The following WDR11 variants were observed in gnomAD, a reference collection of about 807,000 sequenced individuals.
WDR11 encodes the protein WD repeat domain 11, also known as WD repeat-containing protein 11.
Under a neutral mutation model 151.2 loss-of-function variants are expected in WDR11, and 83 were observed. The observed-to-expected ratio is 0.55, with a 90% CI of 0.46 to 0.66. The LOEUF (loss-of-function observed/expected upper bound fraction) is 0.66. WDR11 is among the 30% of genes least tolerant of loss of function. The probability of loss-of-function intolerance (pLI) is 0.00; values close to 1 mark genes in which losing one functional copy is unlikely to be tolerated. For synonymous variants in WDR11, 484 were observed against 533.1 expected (o/e 0.91, Z 1.27); for missense variants, 1,301 against 1,480.9 (o/e 0.88, Z 1.99).
intron 4 of WDR11, among the ~76,000 whole-genome samples, chr10:120,860,651 CT>C (rs1351069175): frequency 6.6e-6 from 1 of 152,112 alleles, no homozygotes; most frequent in East Asian, 1.9e-4. Flanking sequence ...AAGTTAAGTT[CT>C]TGCTTTTTAA....
intron 22 of WDR11, among the ~76,000 whole-genome samples, 187 bp from the exon 23 acceptor site, chr10:120,902,868 C>T (rs760124462): frequency 6.6e-6 from 1 of 152,054 alleles, no homozygotes; most frequent in Non-Finnish European, 1.5e-5. Context: ...GTCAGGCCCC[C>T]GTATTGTTGA....
At position 120,909,104 on chromosome 10, in the gene WDR11, C is replaced by CAAAT. The variant is rs1848189034; in HGVS notation, c.*393_*396dup. On this transcript the variant is annotated 3_prime_UTR_variant, in exon 29 of 29. Coordinates refer to ENST00000263461, the MANE Select transcript of WDR11 (RefSeq NM_018117.12). ...AAATGAAATTTGTGAGATGTTTTCT[C>CAAAT]AAATATATGCTGTGCCTGTACTTAT... is the stretch of plus-strand genomic sequence containing the variant. 2 of 266,914 alleles carry CAAAT rather than the reference C, an allele frequency of 7.5e-6. No individual in the cohort carries two copies. Among genetic ancestry groups the CAAAT allele is most frequent in the Non-Finnish European group, 1.5e-5 (2 of 136,712 alleles). The allele number at this position is 266,914 out of a possible 1,614,324, so 16.5% of individuals were successfully genotyped here.
intron 12 of WDR11, 79 bp downstream of exon 12, chr10:120,878,538 T>A: frequency 2.6e-6 from 3 of 1,174,252 alleles, no homozygotes; most frequent in Non-Finnish European, 3.8e-6. Context: ...TGAAAGTACT[T>A]CTTTCACCTT....
intron 24 of WDR11, among the ~76,000 whole-genome samples, chr10:120,904,441 C>T (rs1847956093): frequency 6.6e-6 from 1 of 152,116 alleles, no homozygotes; most frequent in African/African-American, 2.4e-5. Context: ...ATTACTCGAG[C>T]ACCTAGATAC....
chr10:120,907,822 T>G (rs1395120474), intron 28 of WDR11: 3 of 151,286 alleles, frequency 2.0e-5, no homozygotes, highest in Middle Eastern at 6.8e-3. Context: ...TTTTTTTTTT[T>G]GGTAGTAACC....
rs1848174612 is a variant in WDR11 at position 120,908,766 on chromosome 10, G to A, written c.*53G>A. The A allele has an allele frequency of 1.2e-6, 2 of 1,605,584 alleles. No individual in the cohort carries two copies. Among genetic ancestry groups the A allele is most frequent in the African/African-American group, 1.3e-5 (1 of 74,786 alleles). On this transcript the variant is annotated 3_prime_UTR_variant, in exon 29 of 29. Transcript: ENST00000263461. ...CCTGGAAGGCAGATGGGAGGGGGCT[G>A]GTCTGGCTGTGGCCACCGTCACAGT...
intron 16 of WDR11, 29 bp downstream of exon 16, chr10:120,886,865 C>G (rs1357867086): frequency 2.2e-5 from 36 of 1,612,580 alleles, no homozygotes; most frequent in Non-Finnish European, 3.1e-5. Context: ...AAATCTTCAT[C>G]AAGAAGATTT....
At chr10:120,883,988 T>G in intron 14 of WDR11, 100 bp downstream of exon 14, 1 of 981,832 alleles carries the variant, frequency 1.0e-6, no homozygotes. Context: ...GCCAATGTCA[T>G]TTTTTTGGTT....
chr10:120,868,530 T>TA (rs1273789890), intron 9 of WDR11: 1 of 152,234 alleles, frequency 6.6e-6, no homozygotes, highest in South Asian at 2.1e-4. Flanking sequence ...CATACTGTGT[T>TA]AAGTGCTGTG....
chr10:120,896,688 C>T (rs1003714182), intron 19 of WDR11, among the ~76,000 whole-genome samples: 3 of 152,146 alleles, frequency 2.0e-5, no homozygotes, highest in Admixed American at 6.5e-5. Context: ...CTGTTTTGTG[C>T]ATGTTGTAGT....
At position 120,860,212 on chromosome 10, in the gene WDR11, A is replaced by G. The variant is rs148635545; in HGVS notation, c.456A>G (p.Leu152=). The part of the protein sequence containing the change: ...VLWNADTGTK[L]WKKSYADNIL... ...GGAATGCCGACACTGGCACCAAACT[A>G]TGGAAGAAGAGCTATGCAGATAACA... is the stretch of plus-strand genomic sequence containing the variant. The change falls in exon 4 of 29, where the codon CTA becomes CTG. Residue 152 remains leucine, a synonymous_variant. Transcript: ENST00000263461. 109 of 1,614,192 alleles carry G rather than the reference A, an allele frequency of 6.8e-5. 1 individual carries two copies. Among genetic ancestry groups the G allele is most frequent in the South Asian group, 4.5e-4 (41 of 91,078 alleles).
At position 120,904,086 on chromosome 10, in the gene WDR11, C is replaced by T. The variant is rs1489936094; in HGVS notation, c.2971C>T (p.Arg991Trp). 9.9e-6 allele frequency: 16 copies of T among 1,613,300 alleles called. No homozygotes were observed. Among genetic ancestry groups the T allele is most frequent in the Middle Eastern group, 1.6e-4 (1 of 6,080 alleles). ...AAGGGTTAATCTGCAGGAAGTGAAA[C>T]GGTCAACTTATGATCATACAAGGAA... is the stretch of plus-strand genomic sequence containing the variant. ...LERVNLQEVK[R>W]STYDHTRKCT... Residue 991 changes from arginine (R) to tryptophan (W), a missense_variant, in exon 24 of 29, where the codon CGG (arginine) becomes TGG (tryptophan). Physicochemically the swap from Arg to Trp is moderately radical, Grantham distance 101. This residue lies in a region of WDR11 where 589 missense variants were observed against 670.6 expected (regional missense o/e 0.88). Transcript: ENST00000263461.
chr10:120,869,149 C>T (rs10886790), intron 9 of WDR11, among the ~76,000 whole-genome samples: 76,307 of 133,714 alleles, frequency 0.57, 20,961 homozygotes, highest in Admixed American at 0.62. Flanking sequence ...CTTGCTCTGT[C>T]GCCCAGGCTG....
In WDR11 at chr10:120,868,103, G is replaced by A. The variant is rs887957389; in HGVS notation, c.1294+934G>A. On this transcript the variant is annotated intron_variant, in intron 9 of 28. Transcript: ENST00000263461. The stretch of plus-strand genomic sequence containing the variant: ...ATTCTACCATAATATAATTGAAAAC[G>A]ATATTATTTAGGAGGGTTTTTTTGT... Among the ~76,000 whole-genome samples, 3 of 152,124 alleles carry A rather than the reference G, an allele frequency of 2.0e-5. No homozygotes were observed. In the South Asian group the frequency reaches 6.2e-4, roughly 32 times the overall value.
rs766598157 is a variant in WDR11 at position 120,908,559 on chromosome 10, A to G, written c.3521A>G (p.Lys1174Arg). ...GAFEVTEDTE[K>R]LITAIYADYA... The stretch of plus-strand genomic sequence containing the variant: ...CTTTTCCTTAACTATGGTTTACAGA[A>G]ACTCATCACTGCTATATATGCAGAT... The change falls in exon 29 of 29, where the codon AAA (lysine) becomes AGA (arginine). Residue 1174 changes from lysine to arginine, a missense_variant. This residue lies in a region of WDR11 where 589 missense variants were observed against 670.6 expected (regional missense o/e 0.88). Transcript: ENST00000263461. 1.2e-6 allele frequency: 2 copies of G among 1,614,038 alleles called. No individual in the cohort carries two copies. The highest frequency in any genetic ancestry group is 4.5e-5 in the East Asian group (2 of 44,900).
rs1264008296 is a variant in WDR11, at chr10:120,889,101, C to T, written c.2145C>T (p.Cys715=). 1.2e-6 allele frequency: 2 copies of T among 1,613,684 alleles called. No individual in the cohort carries two copies. The highest frequency in any genetic ancestry group is 8.5e-7 in the Non-Finnish European group (1 of 1,179,740). ...AGGGAAGTATGGGTAGTATTACCTG[C>T]ATCGCTTGGAAAGGTGATACATTAG... ...PPDGSMGSIT[C]IAWKGDTLVL... is the part of the protein sequence containing the mutation. The change falls in exon 17 of 29, where the codon TGC becomes TGT. Residue 715 remains cysteine, a synonymous_variant. Coordinates refer to ENST00000263461, the MANE Select transcript of WDR11 (RefSeq NM_018117.12).
chr10:120,851,687 C>T (rs1003247764), intron 1 of WDR11, 181 bp downstream of exon 1: 2 of 685,926 alleles, frequency 2.9e-6, no homozygotes, highest in Non-Finnish European at 2.5e-6. Context: ...ATAATAGCCC[C>T]GTGTGGGAAA....
At chr10:120,902,993 C>A in intron 22 of WDR11, 62 bp from the exon 23 acceptor site, 1 of 1,560,236 alleles carries the variant, frequency 6.4e-7, no homozygotes, top group Non-Finnish European at 8.8e-7. Flanking sequence ...TCAGTCTACT[C>A]TAGGAAGCCA....
At chr10:120,878,722 A>G (rs1846892166) in intron 12 of WDR11, among the ~76,000 whole-genome samples, 1 of 152,214 alleles carries the variant, frequency 6.6e-6, no homozygotes, top group African/African-American at 2.4e-5. Context: ...TACCGGTTCT[A>G]CTTTTAAGTG....
Sources: gnomAD v4.1 joint callset for allele counts (sites outside exome capture counted in the v4.1 genomes callset) on GRCh38, gnomAD v4.1.1 for gene constraint, gnomAD v4.1.1 regional missense constraint, MANE v1.5 for transcripts, NCBI Gene and HGNC (gene_info 2026-07-23, HGNC 2026-07-21) for gene names.